The following ERC1 variants were observed in gnomAD, a reference collection of about 807,000 sequenced individuals.
ERC1 encodes the protein ELKS/RAB6-interacting/CAST family member 1, also known as RAB6 interacting protein 2.
ERC1 carries 56 observed loss-of-function variants against 132.0 expected under a neutral mutation model. The ratio of observed to expected loss-of-function variants is 0.42; its 90% CI spans 0.34 to 0.53. The LOEUF (loss-of-function observed/expected upper bound fraction) is 0.53, where lower values mean the gene tolerates loss of function less well. Ranked by LOEUF, ERC1 falls within the 20% of genes least tolerant of loss-of-function variation. The pLI is 0.03. For missense variants in ERC1, 1,202 were observed against 1,349.9 expected (o/e 0.89, Z 1.72); for synonymous variants, 478 against 476.1 (o/e 1.00, Z -0.05).
At chr12:1,067,808 C>G (rs1327138551) in intron 2 of ERC1, among the ~76,000 whole-genome samples, 2 of 151,754 alleles carry the variant, frequency 1.3e-5, no homozygotes, top group Non-Finnish European at 2.9e-5. Flanking sequence ...AATGATAGTT[C>G]TCTATTTATC....
In ERC1 at chr12:1,196,974, A is replaced by ATT. The variant is rs1300277921; in HGVS notation, c.2351+6923_2351+6924insTT. ...CACACACACACACATATATATATAT[A>ATT]TATTTTTTTTTTTTTTTTTTTTTTA... On this transcript the variant is annotated intron_variant, in intron 12 of 18. Transcript: ENST00000360905. Among the ~76,000 whole-genome samples, 167 of 52,130 alleles carry ATT rather than the reference A, an allele frequency of 3.2e-3. 18 individuals are homozygous for ATT. Among genetic ancestry groups the ATT allele is most frequent in the African/African-American group, 0.024 (151 of 6,216 alleles). 34.2% of individuals were successfully genotyped at this position (52,130 alleles called of 152,430 possible).
chr12:1,258,798 G>A (rs867626300), intron 13 of ERC1, among the ~76,000 whole-genome samples: 6 of 152,170 alleles, frequency 3.9e-5, no homozygotes, highest in African/African-American at 1.2e-4. Context: ...AAATATTGCC[G>A]TGAAGAAATT....
At chr12:1,002,238 A>G (rs1200680286) in intron 1 of ERC1, among the ~76,000 whole-genome samples, 1 of 124,010 alleles carries the variant, frequency 8.1e-6, no homozygotes, top group African/African-American at 3.2e-5. Context: ...AAGTGTTGTG[A>G]TCATGGCTCA....
At chr12:1,308,299 T>C (rs2081035769) in intron 15 of ERC1, among the ~76,000 whole-genome samples, 1 of 151,828 alleles carries the variant, frequency 6.6e-6, no homozygotes, top group South Asian at 2.1e-4. Flanking sequence ...TGCAACAGAT[T>C]AGCAGCAAAT....
At chr12:1,205,377 G>T (rs1957260444) in intron 12 of ERC1, among the ~76,000 whole-genome samples, 1 of 149,330 alleles carries the variant, frequency 6.7e-6, no homozygotes, top group East Asian at 1.9e-4. Context: ...ATGTGTGTGT[G>T]TGTATATATA....
chr12:1,437,410 G>A (rs184808320), intron 17 of ERC1, among the ~76,000 whole-genome samples: 14 of 152,218 alleles, frequency 9.2e-5, no homozygotes, highest in Admixed American at 2.0e-4. Context: ...ACAAATTTCC[G>A]AGTACTAAAG....
At chr12:1,215,649 G>A (rs928320670) in intron 12 of ERC1, among the ~76,000 whole-genome samples, 1 of 152,128 alleles carries the variant, frequency 6.6e-6, no homozygotes, top group African/African-American at 2.4e-5. Flanking sequence ...GGGGAGTGCT[G>A]GAAAGCTTTG....
intron 16 of ERC1, chr12:1,386,658 A>AAAAAAAAAAAAAAC (rs899564745): frequency 3.0e-5 from 4 of 131,502 alleles, no homozygotes; most frequent in African/African-American, 1.1e-4. Context: ...TCTCAAAAAA[A>AAAAAAAAAAAAAAC]AAAAAAACAT....
intron 15 of ERC1, among the ~76,000 whole-genome samples, chr12:1,343,350 A>C (rs2084104087): frequency 6.6e-6 from 1 of 152,170 alleles, no homozygotes; most frequent in Admixed American, 6.5e-5. Flanking sequence ...TTCAAATTCT[A>C]GCAGCTTTGG....
chr12:1,223,712 G>C (rs2074343029), intron 12 of ERC1, among the ~76,000 whole-genome samples: 4 of 152,106 alleles, frequency 2.6e-5, no homozygotes, highest in Admixed American at 2.6e-4. Flanking sequence ...TCATTTCACT[G>C]TTTATTATAA....
At chr12:1,279,129 C>G (rs2078484898) in intron 14 of ERC1, among the ~76,000 whole-genome samples, 1 of 152,080 alleles carries the variant, frequency 6.6e-6, no homozygotes, top group Admixed American at 6.5e-5. Context: ...TTGCCCTGAT[C>G]TCCTATTTTC....
chr12:1,261,340 A>G (rs1416029287), intron 13 of ERC1, among the ~76,000 whole-genome samples: 5 of 152,216 alleles, frequency 3.3e-5, no homozygotes, highest in African/African-American at 1.2e-4. Context: ...AACGTTATCA[A>G]CTTTATGTAT....
Position 1,494,262 on chromosome 12 carries a change from T to C in ERC1, c.*4032T>C, listed in dbSNP as rs76374659. ...AGACTGCAATGCAGCAGGCACCCTC[T>C]GCAGAGTGAGGCCGCCCGTCCATCA... On this transcript the variant is annotated 3_prime_UTR_variant, in exon 19 of 19. Coordinates refer to ENST00000360905, the MANE Select transcript of ERC1 (RefSeq NM_178040.4). 12,323 of 232,158 alleles carry C rather than the reference T, an allele frequency of 0.053. 410 individuals are homozygous for C. The highest frequency in any genetic ancestry group is 0.091 in the Middle Eastern group (71 of 780). 14.4% of individuals were successfully genotyped at this position (232,158 alleles called of 1,614,324 possible). A position where few individuals can be genotyped will look rare whatever the true frequency, so the allele number is the denominator to read the frequency against.
rs1392064125 is a variant in ERC1, at chr12:1,394,042, AAACC to A, written c.2926-14105_2926-14102del. On this transcript the variant is annotated intron_variant, in intron 16 of 18. Coordinates refer to ENST00000360905, the MANE Select transcript of ERC1 (RefSeq NM_178040.4). ...AAAAAAAAAAAAAAAAACAAAAAAA[AAACC>A]ACAAAGCATTAAGCAATTTAATTTC... Among the ~76,000 whole-genome samples, 86 of 76,378 alleles carry A rather than the reference AAACC, an allele frequency of 1.1e-3. 7 individuals are homozygous for A. Among genetic ancestry groups the A allele is most frequent in the African/African-American group, 4.3e-3 (78 of 18,100 alleles). The allele number at this position is 76,378 out of a possible 152,430, so 50.1% of individuals were successfully genotyped here. A position where few individuals can be genotyped will look rare whatever the true frequency, so the allele number is the denominator to read the frequency against.
rs1555211059 is a variant in ERC1 at position 1,039,355 on chromosome 12, A to AAAAT, written c.669+10803_669+10806dup. 4.7e-4 allele frequency among the ~76,000 whole-genome samples: 70 copies of AAAAT among 147,410 alleles called. 1 individual carries two copies. The highest frequency in any genetic ancestry group is 7.1e-4 in the African/African-American group (28 of 39,180). On this transcript the variant is annotated intron_variant, in intron 2 of 18. Coordinates refer to ENST00000360905, the MANE Select transcript of ERC1 (RefSeq NM_178040.4). ...GTTGTCTCAAAAAAAAAAAAAAATA[A>AAAAT]AAATAAATAAATAAATAAATAAAAA...
At chr12:1,348,637 G>A (rs990770421) in intron 15 of ERC1, among the ~76,000 whole-genome samples, 23 of 151,746 alleles carry the variant, frequency 1.5e-4, no homozygotes, top group Admixed American at 1.0e-3. Context: ...AGCTTGCAGC[G>A]AGCCGAGATT....
At chr12:1,324,147 T>A (rs1024821014) in intron 15 of ERC1, among the ~76,000 whole-genome samples, 1 of 152,250 alleles carries the variant, frequency 6.6e-6, no homozygotes, top group Non-Finnish European at 1.5e-5. Flanking sequence ...TAAATTACAA[T>A]GAGCAAGTGA....
rs1407810676 is a variant in ERC1 at position 1,184,542 on chromosome 12, A to G, written c.2157+1121A>G. On this transcript the variant is annotated intron_variant, in intron 11 of 18. Transcript: ENST00000360905. ...CTGTGCTTATCATTGAAATTTTAAA[A>G]GTAGATTTCTTCTCTGTTTTGTTTG... Among the ~76,000 whole-genome samples the G allele has an allele frequency of 2.0e-5, 3 of 152,204 alleles. No individual in the cohort carries two copies. The East Asian group carries it at 5.8e-4, about 29-fold the overall frequency.
At chr12:1,345,751 G>A (rs570393481) in intron 15 of ERC1, among the ~76,000 whole-genome samples, 12 of 152,118 alleles carry the variant, frequency 7.9e-5, no homozygotes, top group African/African-American at 2.9e-4. Context: ...GTTAAATTCA[G>A]CACTTAACAC....
Sources: gnomAD v4.1 joint callset for allele counts (sites outside exome capture counted in the v4.1 genomes callset) on GRCh38, gnomAD v4.1.1 for gene constraint, MANE v1.5 for transcripts, NCBI Gene and HGNC (gene_info 2026-07-23, HGNC 2026-07-21) for gene names.